The following PRLR variants were observed in gnomAD, a reference collection of about 807,000 sequenced individuals.
PRLR encodes the protein prolactin receptor.
In PRLR, 13 loss-of-function variants were observed where a neutral mutation model predicts 40.2. That is an observed-to-expected ratio of 0.32 (90% CI 0.21 to 0.51). The LOEUF (loss-of-function observed/expected upper bound fraction) is 0.51. Among genes scored for constraint, PRLR ranks in the 20% least tolerant of loss-of-function variants. The pLI, the probability that PRLR is intolerant of heterozygous loss-of-function variation, is 0.97. For missense variants in PRLR, 656 were observed against 747.3 expected, an observed-to-expected ratio of 0.88 and a Z score of 1.42; for synonymous variants, 269 against 278.7, an observed-to-expected ratio of 0.97 and a Z score of 0.35.
intron 1 of PRLR, among the ~76,000 whole-genome samples, chr5:35,169,140 C>T (rs1018602644): frequency 2.0e-5 from 3 of 152,126 alleles, no homozygotes; most frequent in African/African-American, 4.8e-5. Flanking sequence ...TTCATTCCAG[C>T]AAGAACAACG....
At chr5:35,202,941 A>G (rs531913731) in intron 1 of PRLR, among the ~76,000 whole-genome samples, 1 of 152,202 alleles carries the variant, frequency 6.6e-6, no homozygotes, top group Non-Finnish European at 1.5e-5. Flanking sequence ...CTTTGTTAAT[A>G]GAGTATCTGT....
intron 2 of PRLR, among the ~76,000 whole-genome samples, chr5:35,108,691 A>C (rs1268729244): frequency 2.6e-5 from 4 of 152,200 alleles, no homozygotes; most frequent in Non-Finnish European, 5.9e-5. Flanking sequence ...GAGAACTACA[A>C]ACCACTGCTC....
At chr5:35,133,655 A>G (rs1034506499) in intron 1 of PRLR, among the ~76,000 whole-genome samples, 2 of 152,232 alleles carry the variant, frequency 1.3e-5, no homozygotes, top group African/African-American at 2.4e-5. Flanking sequence ...AAGACCATCA[A>G]TAAGTTGTGT....
intron 2 of PRLR, among the ~76,000 whole-genome samples, chr5:35,093,549 C>T (rs2112487037): frequency 6.6e-6 from 1 of 152,256 alleles, no homozygotes; most frequent in South Asian, 2.1e-4. Context: ...TTCCTAACTC[C>T]AGAAATGGAC....
At chr5:35,126,844 C>A (rs1310327011) in intron 1 of PRLR, among the ~76,000 whole-genome samples, 1 of 152,130 alleles carries the variant, frequency 6.6e-6, no homozygotes, top group Non-Finnish European at 1.5e-5. Context: ...TATGGGAATC[C>A]TCAAAACATC....
At chr5:35,068,984 T>C (rs535740338) in intron 7 of PRLR, 106 bp from the exon 8 acceptor site, 2 of 782,176 alleles carry the variant, frequency 2.6e-6, no homozygotes, top group East Asian at 2.7e-5. Context: ...CCTCCATTCA[T>C]ATATTTTTTT....
Position 35,105,809 on chromosome 5 carries a change from A to G in PRLR, c.-44+12252T>C, listed in dbSNP as rs192991809. ...CAAGTTGGAAAACACTCTGCAGGAT[A>G]TTATCCAGGAGTACTTCCCCAACCT... On this transcript the variant is annotated intron_variant, in intron 2 of 9. Transcript: ENST00000618457. 2.0e-3 allele frequency among the ~76,000 whole-genome samples: 299 copies of G among 152,362 alleles called. 1 individual carries two copies. The highest frequency in any genetic ancestry group is 7.0e-3 in the African/African-American group (292 of 41,596).
chr5:35,074,504 C>T (rs1579582295), intron 5 of PRLR, among the ~76,000 whole-genome samples: 1 of 132,618 alleles, frequency 7.5e-6, no homozygotes, highest in East Asian at 2.1e-4. Flanking sequence ...TTTATGATTC[C>T]ATATATATAT....
intron 2 of PRLR, among the ~76,000 whole-genome samples, chr5:35,095,401 A>C (rs1161330319): frequency 6.6e-6 from 1 of 152,242 alleles, no homozygotes; most frequent in East Asian, 1.9e-4. Flanking sequence ...TATTTCAAAC[A>C]CTAGACTTAC....
chr5:35,161,270 G>A (rs540975324), intron 1 of PRLR, among the ~76,000 whole-genome samples: 4 of 152,208 alleles, frequency 2.6e-5, no homozygotes, highest in South Asian at 2.1e-4. Context: ...AACTCTTGTC[G>A]GTCCTTACTT....
intron 3 of PRLR, 48 bp from the exon 4 acceptor site, chr5:35,086,388 C>T (rs1218720197): frequency 2.5e-6 from 4 of 1,601,452 alleles, no homozygotes; most frequent in Non-Finnish European, 3.4e-6. Flanking sequence ...TCCATTTAAC[C>T]ATTTGACCCT....
chr5:35,110,693 A>T (rs1384316319), intron 2 of PRLR, among the ~76,000 whole-genome samples: 1 of 152,208 alleles, frequency 6.6e-6, no homozygotes, highest in East Asian at 1.9e-4. Context: ...GGGGAATCTT[A>T]GCCTTCCCAC....
intron 2 of PRLR, among the ~76,000 whole-genome samples, chr5:35,091,806 T>C (rs975815413): frequency 1.3e-5 from 2 of 152,198 alleles, no homozygotes; most frequent in African/African-American, 4.8e-5. Flanking sequence ...TAGCCCCAAA[T>C]AGTTCTTTAT....
chr5:35,086,963 A>G (rs548602466), intron 3 of PRLR, among the ~76,000 whole-genome samples: 1 of 151,702 alleles, frequency 6.6e-6, no homozygotes, highest in South Asian at 2.1e-4. Flanking sequence ...CTCTTTCCCC[A>G]TCTTCTCCTT....
intron 1 of PRLR, among the ~76,000 whole-genome samples, chr5:35,213,293 C>T (rs72734594): frequency 0.095 from 14,462 of 152,238 alleles, 918 homozygotes; most frequent in Non-Finnish European, 0.13. Context: ...AATCCATAAG[C>T]ATAGCTTATG....
chr5:35,111,160 T>C (rs1305358780), intron 2 of PRLR, among the ~76,000 whole-genome samples: 5 of 152,244 alleles, frequency 3.3e-5, no homozygotes, highest in Admixed American at 3.3e-4. Context: ...GTAAGAATTT[T>C]ATGCTCTAAA....
At chr5:35,210,348 G>A (rs1285322368) in intron 1 of PRLR, among the ~76,000 whole-genome samples, 1 of 152,108 alleles carries the variant, frequency 6.6e-6, no homozygotes, top group Non-Finnish European at 1.5e-5. Flanking sequence ...TGTGCCTTAG[G>A]GTTTCAGAGA....
At chr5:35,228,103 TA>T (rs1275345216) in intron 1 of PRLR, among the ~76,000 whole-genome samples, 1 of 151,846 alleles carries the variant, frequency 6.6e-6, no homozygotes. Context: ...AGAGAGAGAG[TA>T]AGCTGTTCTT....
At position 35,197,880 on chromosome 5, in the gene PRLR, A is replaced by G. The variant is rs573102143; in HGVS notation, c.-106+32388T>C. Among the ~76,000 whole-genome samples, 5 of 152,346 alleles carry G rather than the reference A, an allele frequency of 3.3e-5. No homozygotes were observed. In the East Asian group the frequency reaches 9.7e-4, roughly 29 times the overall value. ...CATCCCCTGAGGGCATGCCTTGGACATGCAATTGCATGAGGAGAGGTAAGA... is the reference window on the plus strand; with the variant it reads ...CATCCCCTGAGGGCATGCCTTGGACGTGCAATTGCATGAGGAGAGGTAAGA... On this transcript the variant is annotated intron_variant, in intron 1 of 9. Coordinates refer to ENST00000618457, the MANE Select transcript of PRLR (RefSeq NM_000949.7).
Sources: allele counts gnomAD v4.1 joint callset (sites outside exome capture counted in the v4.1 genomes callset), GRCh38; gene constraint gnomAD v4.1.1; transcripts MANE v1.5; gene names NCBI Gene and HGNC (gene_info 2026-07-23, HGNC 2026-07-21).